The following IKBKG variants were observed in gnomAD, a reference collection of about 807,000 sequenced individuals.
IKBKG encodes inhibitor of nuclear factor kappa B kinase regulatory subunit gamma.
Under a neutral mutation model 13.7 loss-of-function variants are expected in IKBKG, and 2 were observed. That is an observed-to-expected ratio of 0.15 (90% confidence interval 0.06 to 0.46). IKBKG has a LOEUF of 0.46. Ranked by LOEUF, IKBKG falls within the 20% of genes least tolerant of loss-of-function variation. The pLI, the probability that IKBKG is intolerant of heterozygous loss-of-function variation, is 0.98. For synonymous variants in IKBKG, 22 were observed against 64.4 expected (o/e 0.34, Z 3.15); for missense variants, 53 against 150.3 (o/e 0.35, Z 3.39).
upstream of IKBKG, chrX:154,547,442 A>T: frequency 1.3e-6 from 1 of 754,978 alleles, no homozygotes; most frequent in Non-Finnish European, 1.6e-6. Context: ...GACGCCCTGC[A>T]AAGTGGCCGG....
intron 1 of IKBKG, among the ~76,000 whole-genome samples, chrX:154,549,270 C>T (rs192649884): frequency 1.7e-3 from 181 of 109,595 alleles, no homozygotes; most frequent in Non-Finnish European, 1.6e-3. Context: ...CATGAGCCAC[C>T]GCGCCCGGCC....
chrX:154,544,776 T>C (rs1180773082), upstream of IKBKG, among the ~76,000 whole-genome samples: 1 of 112,063 alleles, frequency 8.9e-6, no homozygotes, highest in East Asian at 2.8e-4. Flanking sequence ...CATTCCCTTT[T>C]GGCTCTCCTT....
chrX:154,542,448 G>A (rs782724801), upstream of IKBKG: 1 of 1,178,543 alleles, frequency 8.5e-7, no homozygotes, highest in Admixed American at 2.5e-5. Context: ...TTCTGGAAGG[G>A]GGCAGTAAGT....
chrX:154,553,577 G>A lies in IKBKG; in HGVS notation c.187+1388G>A, dbSNP rs781828944. On this transcript the variant is annotated intron_variant, in intron 2 of 9. Transcript: ENST00000594239. ...ATTGGAGAGGCCCTGCTGGAGCATG[G>A]AGACCCAACATGACCTGCCTGTTCC... Among the ~76,000 whole-genome samples the A allele has an allele frequency of 5.3e-5, 6 of 112,476 alleles. No homozygotes were observed. In the South Asian group the frequency reaches 2.2e-3, roughly 41 times the overall value.
At chrX:154,544,956 T>G (rs1195252594), upstream of IKBKG, among the ~76,000 whole-genome samples, 2 of 111,935 alleles carry the variant, frequency 1.8e-5, no homozygotes, top group Non-Finnish European at 3.8e-5. Context: ...GGTTACAAGG[T>G]AAGTTAATGG....
At chrX:154,546,192 C>A, upstream of IKBKG, 1 of 1,209,378 alleles carries the variant, frequency 8.3e-7, no homozygotes, top group African/African-American at 1.7e-5. Context: ...GTTAACAAGG[C>A]AGAAGAACAG....
intron 1 of IKBKG, among the ~76,000 whole-genome samples, chrX:154,549,570 A>G (rs953687484): frequency 1.6e-4 from 18 of 111,515 alleles, no homozygotes; most frequent in African/African-American, 5.9e-4. Context: ...GTGAACCACC[A>G]TGCCTGGCCA....
upstream of IKBKG, chrX:154,545,816 C>T (rs781809790): frequency 1.9e-3 from 718 of 386,948 alleles, 5 homozygotes; most frequent in Middle Eastern, 0.015. Context: ...TCCTGGGCGA[C>T]CAGAGCAAAA....
chrX:154,553,281 C>G (rs1343670966), intron 2 of IKBKG, among the ~76,000 whole-genome samples: 2 of 112,521 alleles, frequency 1.8e-5, no homozygotes, highest in East Asian at 5.6e-4. Flanking sequence ...GCCGTGACTA[C>G]TAGAGATCGC....
chrX:154,542,579 G>C, upstream of IKBKG: 1 of 901,599 alleles, frequency 1.1e-6, no homozygotes, highest in Non-Finnish European at 1.5e-6. Context: ...GCAAGTGTGA[G>C]GTAAGCTGGC....
upstream of IKBKG, chrX:154,546,017 G>T: frequency 8.3e-7 from 1 of 1,209,058 alleles, no homozygotes. Flanking sequence ...TTTAAGATTG[G>T]GGCCTGGGAG....
intron 2 of IKBKG, among the ~76,000 whole-genome samples, chrX:154,553,738 CA>C (rs782351753): frequency 2.7e-5 from 3 of 112,948 alleles, no homozygotes; most frequent in Non-Finnish European, 5.6e-5. Context: ...TGACAACTAA[CA>C]ATATCCCCAG....
At chrX:154,550,305 CTT>C (rs1219518175) in intron 1 of IKBKG, among the ~76,000 whole-genome samples, 2 of 102,438 alleles carry the variant, frequency 2.0e-5, no homozygotes, top group African/African-American at 7.2e-5. Flanking sequence ...TCAAAAAAGA[CTT>C]TTGACAGCTG....
chrX:154,552,764 C>A (rs186655160), intron 2 of IKBKG, among the ~76,000 whole-genome samples: 1 of 112,388 alleles, frequency 8.9e-6, no homozygotes, highest in African/African-American at 3.2e-5. Flanking sequence ...CTTCCCACAC[C>A]CAGTGGCTGG....
chrX:154,554,454 C>G (rs1388421904), intron 2 of IKBKG, among the ~76,000 whole-genome samples: 2 of 112,554 alleles, frequency 1.8e-5, no homozygotes, highest in African/African-American at 6.5e-5. Context: ...CAGTTCAGAA[C>G]ATTTTTTAAA....
Position 154,554,833 on chromosome X carries a change from T to C in IKBKG, c.188-1332T>C, listed in dbSNP as rs910061806. 6.3e-5 allele frequency among the ~76,000 whole-genome samples: 7 copies of C among 111,942 alleles called. No homozygotes were observed. In the East Asian group the frequency reaches 1.7e-3, roughly 27 times the overall value. On this transcript the variant is annotated intron_variant, in intron 2 of 9. Transcript: ENST00000594239. ...TTCTGATGGGGGGTGGATGTTGCGC[T>C]CGTCAGCAGGCAATAGTTAGTTGGT...
upstream of IKBKG, chrX:154,547,163 C>G (rs781841252): frequency 3.2e-5 from 6 of 189,563 alleles, no homozygotes; most frequent in Non-Finnish European, 4.9e-5. Flanking sequence ...CCCCTACTGT[C>G]CGGTTTCCCC....
At chrX:154,554,052 C>T (rs1472132859) in intron 2 of IKBKG, among the ~76,000 whole-genome samples, 1 of 112,829 alleles carries the variant, frequency 8.9e-6, no homozygotes, top group Admixed American at 9.3e-5. Context: ...CCCCCTGCTC[C>T]GCCTGACCTG....
At position 154,556,149 on chromosome X, in the gene IKBKG, T is replaced by A; in HGVS notation, c.188-16T>A. 1 of 460,241 alleles carries A rather than the reference T, an allele frequency of 2.2e-6. No individual in the cohort carries two copies. Among genetic ancestry groups the A allele is most frequent in the South Asian group, 3.2e-5 (1 of 31,683 alleles). The allele number at this position is 460,241 out of a possible 1,213,427, so 37.9% of individuals were successfully genotyped here. A position where few individuals can be genotyped will look rare whatever the true frequency, so the allele number is the denominator to read the frequency against. On this transcript the variant is annotated splice_polypyrimidine_tract_variant and intron_variant, in intron 2 of 9. Transcript: ENST00000594239. ...CGGGCTGCCCAGCTCCCCTCCACTG[T>A]CCCCTCTGCCACCAGATGCCATCCG...
Sources: allele counts gnomAD v4.1 joint callset (sites outside exome capture counted in the v4.1 genomes callset), GRCh38; gene constraint gnomAD v4.1.1; transcripts MANE v1.5; gene names NCBI Gene and HGNC (gene_info 2026-07-23, HGNC 2026-07-21).